Variants in SRGAP3 observed in about 807,000 individuals in gnomAD.
The protein encoded by SRGAP3 is SLIT-ROBO Rho GTPase-activating protein 3.
Under a neutral mutation model 121.1 loss-of-function variants are expected in SRGAP3, and 39 were observed. The ratio of observed to expected loss-of-function variants is 0.32; its 90% CI spans 0.25 to 0.42. The LOEUF (loss-of-function observed/expected upper bound fraction) is 0.42. Ranked by LOEUF, SRGAP3 falls within the 10% of genes least tolerant of loss-of-function variation. SRGAP3 has a pLI of 1.00. For missense variants in SRGAP3, 1,213 were observed against 1,470.6 expected, an observed-to-expected ratio of 0.82 and a Z score of 2.86; for synonymous variants, 601 against 570.0, an observed-to-expected ratio of 1.05 and a Z score of -0.77.
chr3:9,322,546 C>A (rs550174318), intron 3 of SRGAP3, among the ~76,000 whole-genome samples: 158 of 151,892 alleles, frequency 1.0e-3, no homozygotes, highest in African/African-American at 3.6e-3. Context: ...CTGAGCTCCA[C>A]CTCCTGTTGC....
intron 1 of SRGAP3, among the ~76,000 whole-genome samples, chr3:9,344,486 G>A (rs1301182682): frequency 6.6e-6 from 1 of 151,916 alleles, no homozygotes; most frequent in Non-Finnish European, 1.5e-5. Flanking sequence ...ACAAAAATTA[G>A]CCAGGTGTGA....
chr3:9,026,342 T>C (rs184202161), intron 13 of SRGAP3, among the ~76,000 whole-genome samples: 1 of 152,304 alleles, frequency 6.6e-6, no homozygotes, highest in East Asian at 1.9e-4. Flanking sequence ...ATTGGAAGTG[T>C]AAGCTATGCA....
chr3:8,998,173 G>T (rs1211694373), intron 18 of SRGAP3, among the ~76,000 whole-genome samples: 1 of 152,188 alleles, frequency 6.6e-6, no homozygotes, highest in Non-Finnish European at 1.5e-5. Context: ...ACAGGCGTGA[G>T]CCACCACCCC....
At chr3:9,079,625 A>G (rs1560096990) in intron 4 of SRGAP3, among the ~76,000 whole-genome samples, 1 of 152,224 alleles carries the variant, frequency 6.6e-6, no homozygotes, top group African/African-American at 2.4e-5. Context: ...CCACCTGCCT[A>G]TGGTCCTACA....
At chr3:9,315,500 A>T (rs1034678388) in intron 3 of SRGAP3, among the ~76,000 whole-genome samples, 4 of 152,214 alleles carry the variant, frequency 2.6e-5, no homozygotes, top group Non-Finnish European at 4.4e-5. Flanking sequence ...AGGAGAAAAC[A>T]CAAATCTGGG....
intron 12 of SRGAP3, among the ~76,000 whole-genome samples, chr3:9,032,249 G>A (rs1350673103): frequency 6.6e-6 from 1 of 152,200 alleles, no homozygotes; most frequent in Non-Finnish European, 1.5e-5. Flanking sequence ...GATTTCCTCT[G>A]TGTTGCTTTC....
At chr3:9,355,361 G>T (rs1221763124) in intron 1 of SRGAP3, among the ~76,000 whole-genome samples, 3 of 152,204 alleles carry the variant, frequency 2.0e-5, no homozygotes, top group African/African-American at 7.2e-5. Flanking sequence ...CAGAGTGATT[G>T]TCTGTTTGTT....
chr3:9,128,580 G>A (rs910535200), intron 1 of SRGAP3, among the ~76,000 whole-genome samples: 1 of 152,160 alleles, frequency 6.6e-6, no homozygotes, highest in South Asian at 2.1e-4. Flanking sequence ...CTATGACCGG[G>A]CAATTTCACT....
At chr3:9,042,597 T>C (rs532770392) in intron 10 of SRGAP3, among the ~76,000 whole-genome samples, 2 of 152,302 alleles carry the variant, frequency 1.3e-5, no homozygotes, top group African/African-American at 4.8e-5. Flanking sequence ...GTTGGTGGAA[T>C]TGGAACCAAA....
At chr3:9,009,202 T>C (rs1324767589) in intron 18 of SRGAP3, among the ~76,000 whole-genome samples, 1 of 152,196 alleles carries the variant, frequency 6.6e-6, no homozygotes, top group Admixed American at 6.5e-5. Context: ...TCTGTCAGTC[T>C]TGTCTCTTTT....
At chr3:9,305,681 T>C (rs1955149266) in intron 3 of SRGAP3, among the ~76,000 whole-genome samples, 1 of 152,128 alleles carries the variant, frequency 6.6e-6, no homozygotes, top group African/African-American at 2.4e-5. Flanking sequence ...GTCCTTGTGA[T>C]AGTTTGCTGA....
intron 18 of SRGAP3, among the ~76,000 whole-genome samples, chr3:9,003,519 G>A (rs910783463): frequency 3.7e-5 from 5 of 134,914 alleles, no homozygotes; most frequent in African/African-American, 8.6e-5. Flanking sequence ...AATCACTAGC[G>A]AGCCAAATGC....
intron 1 of SRGAP3, among the ~76,000 whole-genome samples, chr3:9,340,509 A>T (rs549662579): frequency 1.3e-5 from 2 of 152,326 alleles, no homozygotes; most frequent in African/African-American, 4.8e-5. Flanking sequence ...CCCAGTAATT[A>T]TAATTGTGCT....
intron 3 of SRGAP3, among the ~76,000 whole-genome samples, chr3:9,279,218 T>G (rs1464620471): frequency 6.6e-6 from 1 of 152,220 alleles, no homozygotes; most frequent in Non-Finnish European, 1.5e-5. Flanking sequence ...GCTTGCATTA[T>G]GTGTTCATCC....
intron 2 of SRGAP3, among the ~76,000 whole-genome samples, chr3:9,121,604 G>C (rs6443223): frequency 0.45 from 68,860 of 152,040 alleles, 15,824 homozygotes; most frequent in Middle Eastern, 0.55. Context: ...CTGCATGGCC[G>C]GGCTGCCAGC....
intron 1 of SRGAP3, among the ~76,000 whole-genome samples, chr3:9,138,674 C>G (rs183002768): frequency 6.6e-6 from 1 of 152,264 alleles, no homozygotes; most frequent in Non-Finnish European, 1.5e-5. Flanking sequence ...TCACATGATG[C>G]CACAAGTGGA....
intron 1 of SRGAP3, chr3:9,217,301 T>C (rs1952668833): frequency 6.6e-6 from 1 of 152,188 alleles, no homozygotes. Context: ...GCCTTTCCAA[T>C]ACATTGGGCT....
chr3:9,326,317 G>A (rs1218024275), intron 2 of SRGAP3: 1 of 151,836 alleles, frequency 6.6e-6, no homozygotes, highest in Admixed American at 6.5e-5. Context: ...CACTGAAAAT[G>A]ACAATTGAAT....
At chr3:9,119,462 A>C (rs1948924894) in intron 2 of SRGAP3, among the ~76,000 whole-genome samples, 1 of 151,864 alleles carries the variant, frequency 6.6e-6, no homozygotes, top group Non-Finnish European at 1.5e-5. Context: ...ATCCCCCTCC[A>C]CTGCTGCACG....
Sources: allele counts gnomAD v4.1 joint callset (sites outside exome capture counted in the v4.1 genomes callset), GRCh38; gene constraint gnomAD v4.1.1; transcripts MANE v1.5; gene names NCBI Gene and HGNC (gene_info 2026-07-23, HGNC 2026-07-21).